Variants in FAM124B observed in about 807,000 individuals in gnomAD.
The protein encoded by FAM124B is family with sequence similarity 124 member B, also known as protein FAM124B.
In FAM124B, 18 loss-of-function variants were observed where a neutral mutation model predicts 19.7. The ratio of observed to expected loss-of-function variants is 0.92; its 90% CI spans 0.63 to 1.36. The LOEUF (loss-of-function observed/expected upper bound fraction) is 1.36, where lower values mean the gene tolerates loss of function less well. Ranked by LOEUF, FAM124B falls within the 40% of genes most tolerant of loss-of-function variation. The pLI is 0.00. For synonymous variants in FAM124B, 223 were observed against 225.2 expected, an observed-to-expected ratio of 0.99 and a Z score of 0.09; for missense variants, 540 against 553.3, an observed-to-expected ratio of 0.98 and a Z score of 0.24.
At chr2:224,391,536 G>A (rs144991347) in intron 1 of FAM124B, among the ~76,000 whole-genome samples, 304 of 152,208 alleles carry the variant, frequency 2.0e-3, no homozygotes, top group African/African-American at 6.9e-3. Flanking sequence ...TGTTAGAAAT[G>A]AAAGAAGTAT....
Position 224,380,149 on chromosome 2 carries a change from G to A in FAM124B, c.792C>T (p.Pro264=). 2 of 1,551,576 alleles carry A rather than the reference G, an allele frequency of 1.3e-6. No homozygotes were observed. The highest frequency in any genetic ancestry group is 1.4e-5 in the African/African-American group (1 of 73,146). ...AGACAGAAGTCAGCCTGGAGCCCAG[G>A]GGAAGCATGCCAGCTCCCAAGATGC... The part of the protein sequence containing the change: ...KNGILGAGML[P]LGSRLTSVSA... Residue 264 remains proline, a synonymous_variant, in exon 2 of 2, where the codon CCC becomes CCT. Transcript: ENST00000409685.
At position 224,402,086 on chromosome 2, in the gene FAM124B, T is replaced by C. The variant is rs776723877; in HGVS notation, c.-318A>G. 11 of 296,188 alleles carry C rather than the reference T, an allele frequency of 3.7e-5. 1 individual carries two copies. Among genetic ancestry groups the C allele is most frequent in the Non-Finnish European group, 7.0e-5 (11 of 157,292 alleles). The allele number at this position is 296,188 out of a possible 1,614,324, so 18.3% of individuals were successfully genotyped here. On this transcript the variant is annotated 5_prime_UTR_variant, in exon 1 of 2. Transcript: ENST00000409685. ...TCAGGCGTTCCCCAGGGTTTCTGCG[T>C]GACCTAAAAACCTATAATCCTGAGA... is the stretch of plus-strand genomic sequence containing the variant.
intron 1 of FAM124B, among the ~76,000 whole-genome samples, chr2:224,384,332 C>T (rs1689769772): frequency 6.6e-6 from 1 of 152,218 alleles, no homozygotes; most frequent in East Asian, 1.9e-4. Context: ...CCCCTCCCAT[C>T]CACACTGCCT....
At chr2:224,380,980 C>G (rs7593617) in intron 1 of FAM124B, among the ~76,000 whole-genome samples, 21,180 of 152,098 alleles carry the variant, frequency 0.14, 1,554 homozygotes, top group East Asian at 0.24. Context: ...TTAAGACTTC[C>G]ACCCTTGGGA....
chr2:224,392,848 A>G (rs966639319), intron 1 of FAM124B, among the ~76,000 whole-genome samples: 1 of 152,106 alleles, frequency 6.6e-6, no homozygotes. Context: ...GATGCAGGAG[A>G]CCTTAGAAAT....
intron 1 of FAM124B, among the ~76,000 whole-genome samples, chr2:224,393,832 CT>C (rs772219616): frequency 2.0e-4 from 31 of 152,288 alleles, no homozygotes; most frequent in Non-Finnish European, 3.7e-4. Context: ...TCAGAAAGAT[CT>C]TGTTGAAATT....
chr2:224,400,942 C>T, intron 1 of FAM124B, 95 bp downstream of exon 1: 11 of 1,461,414 alleles, frequency 7.5e-6, no homozygotes, highest in Non-Finnish European at 9.1e-6. Context: ...CGCTAATATG[C>T]AACCAAGTCT....
Position 224,379,544 on chromosome 2 carries a change from G to T in FAM124B, c.*29C>A. On this transcript the variant is annotated 3_prime_UTR_variant, in exon 2 of 2. Coordinates refer to ENST00000409685, the MANE Select transcript of FAM124B (RefSeq NM_001122779.2). ...TTTCTAGAACATTTTATCTGATCTT[G>T]TGTTTTAGAAAACCACATTTATTTT... The T allele has an allele frequency of 6.7e-7, 1 of 1,494,940 alleles. No homozygotes were observed. The highest frequency in any genetic ancestry group is 8.9e-7 in the Non-Finnish European group (1 of 1,122,088). 92.6% of individuals were successfully genotyped at this position (1,494,940 alleles called of 1,614,324 possible).
Position 224,401,202 on chromosome 2 carries a change from C to T in FAM124B, c.567G>A (p.Lys189=). Residue 189 remains lysine (K), a synonymous_variant, in exon 1 of 2, where the codon AAG becomes AAA. Transcript: ENST00000409685. ...SKSFALQLSL[K]QLPPGMSVDP... The stretch of plus-strand genomic sequence containing the variant: ...CCACTGACATTCCCGGGGGCAGCTG[C>T]TTCAGGGAGAGCTGCAGAGCAAAGC... The T allele has an allele frequency of 6.2e-7, 1 of 1,614,162 alleles. No individual in the cohort carries two copies. The highest frequency in any genetic ancestry group is 8.5e-7 in the Non-Finnish European group (1 of 1,180,044).
intron 1 of FAM124B, among the ~76,000 whole-genome samples, chr2:224,389,618 A>T (rs1259350132): frequency 1.3e-5 from 2 of 152,160 alleles, no homozygotes; most frequent in East Asian, 3.9e-4. Flanking sequence ...GGAGCTGGAG[A>T]AGTCGGGGGC....
intron 1 of FAM124B, among the ~76,000 whole-genome samples, chr2:224,384,848 C>A (rs965810835): frequency 6.6e-6 from 1 of 152,194 alleles, no homozygotes; most frequent in Non-Finnish European, 1.5e-5. Flanking sequence ...TTCTTGGTGA[C>A]CCTGACCTAT....
At chr2:224,396,185 G>T (rs1262771854) in intron 1 of FAM124B, among the ~76,000 whole-genome samples, 2 of 152,062 alleles carry the variant, frequency 1.3e-5, no homozygotes, top group African/African-American at 2.4e-5. Context: ...TCTAGCCTCA[G>T]GCCACCTGCC....
rs762834545 is a variant in FAM124B at position 224,401,502 on chromosome 2, G to GA, written c.266dup (p.Gln90ProfsTer58). The GA allele has an allele frequency of 6.8e-6, 11 of 1,613,992 alleles. No homozygotes were observed. In the South Asian group the frequency reaches 1.2e-4, roughly 18 times the overall value. On this transcript the variant is annotated frameshift_variant, in exon 1 of 2. Transcript: ENST00000409685. LOFTEE classifies it high-confidence loss of function. ...GGTAGCACTGCCATGGCGAATGCTG[G>GA]AGAGAGTCCAGGACGCGAAATAGCC... is the stretch of plus-strand genomic sequence containing the variant.
At chr2:224,386,105 T>G (rs1056329168) in intron 1 of FAM124B, among the ~76,000 whole-genome samples, 3 of 152,140 alleles carry the variant, frequency 2.0e-5, no homozygotes, top group African/African-American at 2.4e-5. Flanking sequence ...GATGCCCTAC[T>G]CTTCTTAAGA....
At chr2:224,382,246 T>G (rs1266778848) in intron 1 of FAM124B, among the ~76,000 whole-genome samples, 2 of 152,210 alleles carry the variant, frequency 1.3e-5, no homozygotes, top group Non-Finnish European at 2.9e-5. Context: ...TATAAATGAA[T>G]GGCTGTGTTC....
At chr2:224,384,450 C>T (rs1248512135) in intron 1 of FAM124B, among the ~76,000 whole-genome samples, 2 of 152,216 alleles carry the variant, frequency 1.3e-5, no homozygotes, top group African/African-American at 4.8e-5. Context: ...CAAAATCTCC[C>T]CACCTTTCAT....
intron 1 of FAM124B, among the ~76,000 whole-genome samples, chr2:224,397,640 A>G (rs985445399): frequency 6.6e-6 from 1 of 152,222 alleles, no homozygotes; most frequent in African/African-American, 2.4e-5. Flanking sequence ...GATATGAACA[A>G]TAAGGTCTAG....
chr2:224,379,542 T>C lies in FAM124B; in HGVS notation c.*31A>G, dbSNP rs1326164069. On this transcript the variant is annotated 3_prime_UTR_variant, in exon 2 of 2. Transcript: ENST00000409685. The stretch of plus-strand genomic sequence containing the variant: ...CATTTCTAGAACATTTTATCTGATC[T>C]TGTGTTTTAGAAAACCACATTTATT... 1.7e-5 allele frequency: 25 copies of C among 1,494,146 alleles called. No homozygotes were observed. Among genetic ancestry groups the C allele is most frequent in the Non-Finnish European group, 2.2e-5 (25 of 1,121,766 alleles). The allele number at this position is 1,494,146 out of a possible 1,614,324, so 92.6% of individuals were successfully genotyped here.
intron 1 of FAM124B, among the ~76,000 whole-genome samples, chr2:224,393,048 A>G (rs948045224): frequency 1.3e-5 from 2 of 152,260 alleles, no homozygotes; most frequent in Non-Finnish European, 2.9e-5. Flanking sequence ...ATCATCACAG[A>G]AAGTCCTAGA....
Sources: gnomAD v4.1 joint callset for allele counts (sites outside exome capture counted in the v4.1 genomes callset) on GRCh38, gnomAD v4.1.1 for gene constraint, MANE v1.5 for transcripts, NCBI Gene and HGNC (gene_info 2026-07-23, HGNC 2026-07-21) for gene names.